Variants in DACT2 observed in about 807,000 individuals in gnomAD.
DACT2 encodes dishevelled binding antagonist of beta catenin 2.
A neutral mutation model predicts 22.2 loss-of-function variants in DACT2; 20 were observed. The observed-to-expected ratio is 0.90, with a 90% CI of 0.63 to 1.31. The LOEUF is 1.31. Among genes scored for constraint, DACT2 ranks in the 50% most tolerant of loss-of-function variants. DACT2 has a pLI of 0.00. For missense variants in DACT2, 1,048 were observed against 1,061.4 expected, an observed-to-expected ratio of 0.99 and a Z score of 0.18; for synonymous variants, 463 against 479.8, an observed-to-expected ratio of 0.96 and a Z score of 0.46.
At chr6:168,319,175 G>C (rs1249694986) in intron 1 of DACT2, among the ~76,000 whole-genome samples, 1 of 152,054 alleles carries the variant, frequency 6.6e-6, no homozygotes, top group Admixed American at 6.5e-5. Context: ...CAGTTTTCAG[G>C]GTCCTCACCT....
intron 4 of DACT2, among the ~76,000 whole-genome samples, chr6:168,294,470 T>TC (rs1274183253): frequency 1.5e-5 from 2 of 133,946 alleles, no homozygotes; most frequent in African/African-American, 5.8e-5. Context: ...CCCTCCCCGC[T>TC]CCCCCCACCC....
Position 168,308,171 on chromosome 6 carries a change from T to TG in DACT2, c.1585dup (p.Gln529ProfsTer35). On this transcript the variant is annotated frameshift_variant, in exon 4 of 4. Transcript: ENST00000366795. LOFTEE classifies it low-confidence loss of function (END_TRUNC). ...GGCAGGGTCCCACTCCAGGGATGGC[T>TG]GGGGGGCTGCATGGGCTCCCTCAGG... The TG allele has an allele frequency of 6.4e-7, 1 of 1,550,880 alleles. No individual in the cohort carries two copies.
Position 168,308,914 on chromosome 6 carries a change from G to A in DACT2, c.843C>T (p.Ala281=), listed in dbSNP as rs774495453. ...CAAACAGGGGGCTCTGTAGAGCCACGGCGTGCAGGGGGCTGGGGTACGGGT... is the reference window on the plus strand; with the variant it reads ...CAAACAGGGGGCTCTGTAGAGCCACAGCGTGCAGGGGGCTGGGGTACGGGT... ...EVYPYPSPLH[A]VALQSPLFVL... is the part of the protein sequence containing the mutation. Residue 281 remains alanine (A), a synonymous_variant, in exon 4 of 4, where the codon GCC becomes GCT. Coordinates refer to ENST00000366795, the MANE Select transcript of DACT2 (RefSeq NM_214462.5). 22 of 1,550,498 alleles carry A rather than the reference G, an allele frequency of 1.4e-5. No individual in the cohort carries two copies. Among genetic ancestry groups the A allele is most frequent in the South Asian group, 4.8e-5 (4 of 84,040 alleles).
downstream of DACT2, among the ~76,000 whole-genome samples, chr6:168,302,838 G>A (rs1779134632): frequency 6.6e-6 from 1 of 152,208 alleles, no homozygotes; most frequent in Admixed American, 6.5e-5. Flanking sequence ...GGCTGTGTCT[G>A]CTGGATAGTG....
intron 1 of DACT2, among the ~76,000 whole-genome samples, chr6:168,313,140 G>A (rs534708299): frequency 5.9e-5 from 9 of 152,132 alleles, no homozygotes; most frequent in Admixed American, 3.9e-4. Flanking sequence ...TCCACCTCCC[G>A]GGTTCAAGCC....
intron 1 of DACT2, among the ~76,000 whole-genome samples, chr6:168,314,008 G>A (rs1260344109): frequency 1.1e-5 from 1 of 93,472 alleles, no homozygotes; most frequent in Non-Finnish European, 2.3e-5. Context: ...TTGTAACCCC[G>A]ACCGCGCTTG....
At chr6:168,294,733 G>A in intron 3 of DACT2, 1 of 1,283,188 alleles carries the variant, frequency 7.8e-7, no homozygotes, top group Non-Finnish European at 1.0e-6. Flanking sequence ...AAATGTGCGT[G>A]AGAGCTACAG....
chr6:168,312,295 C>A (rs1283474954), intron 1 of DACT2, among the ~76,000 whole-genome samples: 2 of 152,068 alleles, frequency 1.3e-5, no homozygotes, highest in Non-Finnish European at 2.9e-5. Context: ...TCCCCGGGCT[C>A]AGGTGATCCT....
chr6:168,309,045 C>A lies in DACT2; in HGVS notation c.712G>T (p.Asp238Tyr). ...ADTGLQKASADAELLGLLCQG... is the reference protein window; with the variant it reads ...ADTGLQKASAYAELLGLLCQG... ...CAGAGGAGCCCGAGGAGCTCGGCGT[C>A]CGCGCTGGCTTTCTGGAGCCCCGTG... is the stretch of plus-strand genomic sequence containing the variant. Residue 238 changes from aspartate to tyrosine, a missense_variant, in exon 4 of 4, where the codon GAC (aspartate) becomes TAC (tyrosine). Asp to Tyr is a radical substitution (Grantham distance 160). Coordinates refer to ENST00000366795, the MANE Select transcript of DACT2 (RefSeq NM_214462.5). 6.5e-7 allele frequency: 1 copy of A among 1,542,882 alleles called. No homozygotes were observed.
At chr6:168,311,603 C>CAA (rs1562498601) in intron 1 of DACT2, among the ~76,000 whole-genome samples, 1 of 149,722 alleles carries the variant, frequency 6.7e-6, no homozygotes, top group Admixed American at 6.6e-5. Flanking sequence ...CACATACACA[C>CAA]ACACTCACAC....
At chr6:168,299,038 A>G (rs1029998844) in intron 3 of DACT2, 1 of 152,242 alleles carries the variant, frequency 6.6e-6, no homozygotes, top group Non-Finnish European at 1.5e-5. Flanking sequence ...CAACTATGCT[A>G]TAAATCTCAG....
At chr6:168,315,577 A>G (rs1779521558) in intron 1 of DACT2, among the ~76,000 whole-genome samples, 1 of 152,190 alleles carries the variant, frequency 6.6e-6, no homozygotes, top group Non-Finnish European at 1.5e-5. Context: ...TCATCTATTT[A>G]TTCAGCAAAA....
At position 168,319,627 on chromosome 6, in the gene DACT2, T is replaced by C; in HGVS notation, c.7A>G (p.Thr3Ala). 1 of 1,291,588 alleles carries C rather than the reference T, an allele frequency of 7.7e-7. No individual in the cohort carries two copies. The allele number at this position is 1,291,588 out of a possible 1,614,324, so 80.0% of individuals were successfully genotyped here. A position where few individuals can be genotyped will look rare whatever the true frequency, so the allele number is the denominator to read the frequency against. MW[T>A]PGGPPGSAGW... Reference sequence around the variant, plus strand: ...GCGGACCCCGGGGGTCCGCCCGGCGTCCACATCTCCCGGGCAGGGTCCCGG... The same window carrying C: ...GCGGACCCCGGGGGTCCGCCCGGCGCCCACATCTCCCGGGCAGGGTCCCGG... The change falls in exon 1 of 4, where the codon ACG becomes GCG. Residue 3 changes from threonine to alanine, a missense_variant. Coordinates refer to ENST00000366795, the MANE Select transcript of DACT2 (RefSeq NM_214462.5).
At chr6:168,301,144 G>C (rs1779097429) in intron 3 of DACT2, among the ~76,000 whole-genome samples, 1 of 152,314 alleles carries the variant, frequency 6.6e-6, no homozygotes, top group East Asian at 1.9e-4. Flanking sequence ...CCAGCGACCG[G>C]GGCCTCCGGA....
intron 3 of DACT2, among the ~76,000 whole-genome samples, chr6:168,309,418 C>CGTGTAGACACAGGGTGCGGGGCCGTTTGG (rs1221537296): frequency 6.6e-6 from 1 of 151,486 alleles, no homozygotes; most frequent in African/African-American, 2.4e-5. Flanking sequence ...GGGCCGTTTG[C>CGTGTAGACACAGGGTGCGGGGCCGTTTGG]GTGTAGACAC....
rs1779593668 is a variant in DACT2 at position 168,319,468 on chromosome 6, C to T, written c.166G>A (p.Ala56Thr). 10 of 1,200,920 alleles carry T rather than the reference C, an allele frequency of 8.3e-6. No homozygotes were observed. The highest frequency in any genetic ancestry group is 3.2e-5 in the African/African-American group (2 of 62,834). The allele number at this position is 1,200,920 out of a possible 1,614,324, so 74.4% of individuals were successfully genotyped here. Residue 56 changes from alanine to threonine, a missense_variant, in exon 1 of 4, where the codon GCC (alanine) becomes ACC (threonine). Transcript: ENST00000366795. ...AGGCCGTGGGGGCCGCAGGGCGCGG[C>T]GGGCGCGGGCGGGGGCTGCAGGGCC... is the stretch of plus-strand genomic sequence containing the variant. ...ALALQPPPAPAAPCGPHGLHG... is the reference protein window; with the variant it reads ...ALALQPPPAPTAPCGPHGLHG...
intron 2 of DACT2, 80 bp from the exon 3 acceptor site, chr6:168,310,526 G>C: frequency 5.3e-6 from 8 of 1,497,168 alleles, no homozygotes; most frequent in Non-Finnish European, 7.1e-6. Flanking sequence ...GCTTGTCACG[G>C]CACAGGTGGG....
At chr6:168,294,579 A>ATG (rs1778975827) in intron 4 of DACT2, 5 of 83,318 alleles carry the variant, frequency 6.0e-5, no homozygotes, top group African/African-American at 1.6e-4. Flanking sequence ...GTGTGTGTGT[A>ATG]TATATATATA....
chr6:168,313,795 C>CCCCGTT (rs1390210081), intron 1 of DACT2, among the ~76,000 whole-genome samples: 1 of 152,192 alleles, frequency 6.6e-6, no homozygotes, highest in Non-Finnish European at 1.5e-5. Context: ...CCTCCCCCAG[C>CCCCGTT]CCCGTTCCCG....
Sources: allele counts gnomAD v4.1 joint callset (sites outside exome capture counted in the v4.1 genomes callset), GRCh38; gene constraint gnomAD v4.1.1; transcripts MANE v1.5; gene names NCBI Gene and HGNC (gene_info 2026-07-23, HGNC 2026-07-21).